TSPAN5: variants seen among roughly 807,000 people sequenced by gnomAD.
TSPAN5 encodes the protein tetraspanin-5.
A neutral mutation model predicts 37.1 loss-of-function variants in TSPAN5; 10 were observed. The observed-to-expected ratio is 0.27, with a 90% CI of 0.17 to 0.46. The LOEUF (loss-of-function observed/expected upper bound fraction) is 0.46. Among genes scored for constraint, TSPAN5 ranks in the 20% least tolerant of loss-of-function variants. TSPAN5 has a pLI of 1.00. For synonymous variants in TSPAN5, 110 were observed against 118.9 expected, an observed-to-expected ratio of 0.93 and a Z score of 0.48; for missense variants, 195 against 326.6, an observed-to-expected ratio of 0.60 and a Z score of 3.11.
intron 1 of TSPAN5, among the ~76,000 whole-genome samples, chr4:98,633,557 C>T (rs973086153): frequency 6.6e-6 from 1 of 152,170 alleles, no homozygotes; most frequent in Non-Finnish European, 1.5e-5. Context: ...TTTATTTCAT[C>T]ACTTCGATGA....
Position 98,479,968 on chromosome 4 carries a change from C to A in TSPAN5, c.451-1158G>T, listed in dbSNP as rs540232821. 4.6e-5 allele frequency among the ~76,000 whole-genome samples: 7 copies of A among 152,280 alleles called. 1 individual carries two copies. The highest frequency in any genetic ancestry group is 4.6e-4 in the Admixed American group (7 of 15,300). On this transcript the variant is annotated intron_variant, in intron 4 of 7. Coordinates refer to ENST00000305798, the MANE Select transcript of TSPAN5 (RefSeq NM_005723.4). Reference sequence around the variant, plus strand: ...CAAATGACCTAAATCCCTCACTAACCTACCCCCACCCTCACTAAACTTAAT... The same window carrying A: ...CAAATGACCTAAATCCCTCACTAACATACCCCCACCCTCACTAAACTTAAT...
At chr4:98,631,788 T>C (rs916450967) in intron 1 of TSPAN5, among the ~76,000 whole-genome samples, 1 of 152,218 alleles carries the variant, frequency 6.6e-6, no homozygotes, top group Non-Finnish European at 1.5e-5. Context: ...TTCAGAGCCT[T>C]TCCTGAGGCA....
intron 1 of TSPAN5, among the ~76,000 whole-genome samples, chr4:98,641,979 G>A (rs1319125199): frequency 6.6e-6 from 1 of 152,072 alleles, no homozygotes; most frequent in Non-Finnish European, 1.5e-5. Context: ...GTAAAAACTA[G>A]GACCCAAATT....
In TSPAN5 at chr4:98,521,556, T is replaced by A. The variant is rs187779308; in HGVS notation, c.82-13828A>T. Among the ~76,000 whole-genome samples the A allele has an allele frequency of 2.6e-5, 4 of 152,212 alleles. No homozygotes were observed. In the East Asian group the frequency reaches 7.7e-4, roughly 29 times the overall value. On this transcript the variant is annotated intron_variant, in intron 1 of 7. Coordinates refer to ENST00000305798, the MANE Select transcript of TSPAN5 (RefSeq NM_005723.4). ...GCAGTGTGATGCCTTCTGCCAGGAT[T>A]TGTGACACTGTGGCAGGATAACTTG...
At chr4:98,484,206 A>G in intron 3 of TSPAN5, 1 of 319,622 alleles carries the variant, frequency 3.1e-6, no homozygotes, top group South Asian at 2.8e-5. Context: ...CTGTTGAGCT[A>G]ATTTCCTCTA....
At chr4:98,608,388 T>C (rs895593502) in intron 1 of TSPAN5, among the ~76,000 whole-genome samples, 1 of 152,210 alleles carries the variant, frequency 6.6e-6, no homozygotes, top group South Asian at 2.1e-4. Flanking sequence ...CCATCTGGGT[T>C]CCTTCTTGCT....
chr4:98,576,348 T>C (rs1230223878), intron 1 of TSPAN5, among the ~76,000 whole-genome samples: 2 of 152,146 alleles, frequency 1.3e-5, no homozygotes, highest in Non-Finnish European at 2.9e-5. Context: ...ATTGCCTTTT[T>C]CAAAAAGGGA....
chr4:98,612,814 C>T (rs977356006), intron 1 of TSPAN5, among the ~76,000 whole-genome samples: 3 of 152,210 alleles, frequency 2.0e-5, no homozygotes, highest in Admixed American at 6.5e-5. Context: ...CTGAAATGCT[C>T]CTTCCTCCCT....
intron 1 of TSPAN5, among the ~76,000 whole-genome samples, chr4:98,520,948 G>C (rs979469348): frequency 1.3e-5 from 2 of 151,716 alleles, no homozygotes; most frequent in South Asian, 2.1e-4. Context: ...GGCAGGGTGG[G>C]GGGGATAGAG....
At chr4:98,488,204 C>T (rs1753015010) in intron 2 of TSPAN5, among the ~76,000 whole-genome samples, 1 of 152,192 alleles carries the variant, frequency 6.6e-6, no homozygotes, top group African/African-American at 2.4e-5. Context: ...ATGTCTATTT[C>T]AGTACCAAGC....
chr4:98,553,604 C>T (rs1384456829), intron 1 of TSPAN5, among the ~76,000 whole-genome samples: 1 of 152,126 alleles, frequency 6.6e-6, no homozygotes, highest in Non-Finnish European at 1.5e-5. Context: ...ACTGAAAGAA[C>T]CTTTAAATGG....
chr4:98,515,083 C>T lies in TSPAN5; in HGVS notation c.82-7355G>A, dbSNP rs761220960. 9.3e-4 allele frequency among the ~76,000 whole-genome samples: 142 copies of T among 152,146 alleles called. 1 individual carries two copies. Among genetic ancestry groups the T allele is most frequent in the Non-Finnish European group, 1.2e-3 (83 of 67,988 alleles). On this transcript the variant is annotated intron_variant, in intron 1 of 7. Transcript: ENST00000305798. ...AGGTGAAGGAGTGAATGGCAGGTGT[C>T]GGGGGAACAGCATTCCAGGGAAAGT... is the stretch of plus-strand genomic sequence containing the variant.
intron 1 of TSPAN5, among the ~76,000 whole-genome samples, chr4:98,530,390 C>G (rs1424786769): frequency 6.6e-6 from 1 of 152,168 alleles, no homozygotes; most frequent in Non-Finnish European, 1.5e-5. Flanking sequence ...AATGATATCC[C>G]CATCATACAA....
chr4:98,550,983 T>C (rs1330634578), intron 1 of TSPAN5, among the ~76,000 whole-genome samples: 3 of 152,232 alleles, frequency 2.0e-5, no homozygotes, highest in Non-Finnish European at 2.9e-5. Flanking sequence ...TTTTCAACTT[T>C]TTCCTATTAA....
At chr4:98,629,013 G>A (rs10020677) in intron 1 of TSPAN5, among the ~76,000 whole-genome samples, 57,031 of 151,980 alleles carry the variant, frequency 0.38, 11,011 homozygotes, top group Admixed American at 0.43. Flanking sequence ...GCTTATCAAA[G>A]CATAAATTTA....
Position 98,604,574 on chromosome 4 carries a change from A to G in TSPAN5, c.81+53572T>C, listed in dbSNP as rs141459165. On this transcript the variant is annotated intron_variant, in intron 1 of 7. Coordinates refer to ENST00000305798, the MANE Select transcript of TSPAN5 (RefSeq NM_005723.4). ...GTAATGTCTTTACCATTATCTAGGC[A>G]GTAGTGGGATTTATACTTGAATACT... Among the ~76,000 whole-genome samples, 624 of 152,352 alleles carry G rather than the reference A, an allele frequency of 4.1e-3. 9 individuals are homozygous for G. The highest frequency in any genetic ancestry group is 0.014 in the African/African-American group (594 of 41,576).
chr4:98,651,317 G>A (rs1221055751), intron 1 of TSPAN5, among the ~76,000 whole-genome samples: 1 of 152,240 alleles, frequency 6.6e-6, no homozygotes, highest in Non-Finnish European at 1.5e-5. Flanking sequence ...TCAAGAGCAT[G>A]ATAGTGAAGG....
At chr4:98,592,421 G>GT (rs1204813183) in intron 1 of TSPAN5, among the ~76,000 whole-genome samples, 2,801 of 94,574 alleles carry the variant, frequency 0.03, 128 homozygotes, top group African/African-American at 0.087. Context: ...AGGGATCTCT[G>GT]TTTTTTGTTT....
intron 1 of TSPAN5, among the ~76,000 whole-genome samples, chr4:98,572,989 T>C (rs1018802232): frequency 1.3e-5 from 2 of 152,210 alleles, no homozygotes; most frequent in South Asian, 2.1e-4. Flanking sequence ...ACTAACCATA[T>C]GTTGTTTTCA....
Sources: gnomAD v4.1 joint callset for allele counts (sites outside exome capture counted in the v4.1 genomes callset) on GRCh38, gnomAD v4.1.1 for gene constraint, MANE v1.5 for transcripts, NCBI Gene and HGNC (gene_info 2026-07-23, HGNC 2026-07-21) for gene names.